The following NEK3 variants were observed in gnomAD, a reference collection of about 807,000 sequenced individuals.
NEK3 encodes NIMA related kinase 3.
NEK3 carries 54 observed loss-of-function variants against 66.0 expected under a neutral mutation model. That is an observed-to-expected ratio of 0.82 (90% CI 0.66 to 1.03). NEK3 has a LOEUF of 1.03. Among genes scored for constraint, NEK3 ranks in the 50% least tolerant of loss-of-function variants. The probability of loss-of-function intolerance (pLI) is 0.00; values close to 1 mark genes in which losing one functional copy is unlikely to be tolerated. For synonymous variants in NEK3, 200 were observed against 206.2 expected, an observed-to-expected ratio of 0.97 and a Z score of 0.26; for missense variants, 593 against 603.0, an observed-to-expected ratio of 0.98 and a Z score of 0.17.
intron 4 of NEK3, among the ~76,000 whole-genome samples, chr13:52,153,300 T>C (rs1956362494): frequency 6.6e-6 from 1 of 152,170 alleles, no homozygotes; most frequent in African/African-American, 2.4e-5. Context: ...TTTAACAATA[T>C]AGTTTCTAAA....
Position 52,133,039 on chromosome 13 carries a change from G to A in NEK3, c.*103C>T. On this transcript the variant is annotated 3_prime_UTR_variant, in exon 16 of 16. Coordinates refer to ENST00000610828, the MANE Select transcript of NEK3 (RefSeq NM_002498.3). ...TTAAGAGTTTCCTCTGCTTCATTCT[G>A]TTTCCAAAGGAAAATATACGTCGCA... 1 of 924,480 alleles carries A rather than the reference G, an allele frequency of 1.1e-6. No individual in the cohort carries two copies. Among genetic ancestry groups the A allele is most frequent in the East Asian group, 2.7e-5 (1 of 37,676 alleles). The allele number at this position is 924,480 out of a possible 1,614,324, so 57.3% of individuals were successfully genotyped here. A position where few individuals can be genotyped will look rare whatever the true frequency, so the allele number is the denominator to read the frequency against.
In NEK3 at chr13:52,154,168, G is replaced by A. The variant is rs1468840391; in HGVS notation, c.123C>T (p.Phe41=). The stretch of plus-strand genomic sequence containing the variant: ...CCTTCCTAGAATTCTGTGTATTAGA[G>A]AAAGACTAGAAAAACATTTTAAATA... ...AMKEIRLPKS[F]SNTQNSRKEA... The change falls in exon 3 of 16, where the codon TTC becomes TTT. Residue 41 remains phenylalanine, a synonymous_variant. Coordinates refer to ENST00000610828, the MANE Select transcript of NEK3 (RefSeq NM_002498.3). 1.3e-5 allele frequency: 21 copies of A among 1,585,546 alleles called. No homozygotes were observed. Among genetic ancestry groups the A allele is most frequent in the Non-Finnish European group, 1.6e-5 (19 of 1,160,702 alleles).
At chr13:52,153,474 C>A (rs1956364207) in intron 4 of NEK3, among the ~76,000 whole-genome samples, 1 of 152,098 alleles carries the variant, frequency 6.6e-6, no homozygotes, top group South Asian at 2.1e-4. Context: ...GGGACCACTT[C>A]AAGCTTTAGG....
intron 9 of NEK3, among the ~76,000 whole-genome samples, 190 bp downstream of exon 9, chr13:52,144,501 T>TG: frequency 6.6e-6 from 1 of 152,296 alleles, no homozygotes. Flanking sequence ...ATACAAACTG[T>TG]GATTATACTT....
chr13:52,154,637 T>C (rs1956376885), intron 2 of NEK3, among the ~76,000 whole-genome samples: 1 of 151,752 alleles, frequency 6.6e-6, no homozygotes, highest in Admixed American at 6.6e-5. Context: ...AAAAAGAGTA[T>C]GCTGGTATAT....
chr13:52,136,035 C>A, intron 13 of NEK3, 81 bp downstream of exon 13: 1 of 1,554,376 alleles, frequency 6.4e-7, no homozygotes. Context: ...CCTTCACAGA[C>A]ATTAAAAGGC....
At position 52,156,202 on chromosome 13, in the gene NEK3, C is replaced by T; in HGVS notation, c.-11G>A. On this transcript the variant is annotated 5_prime_UTR_variant, in exon 2 of 16. Transcript: ENST00000610828. ...CATGTAGTCATCCATGCTGGGGCAT[C>T]CACACAGCTGGGCTCCACTCACGCA... 3 of 1,532,106 alleles carry T rather than the reference C, an allele frequency of 2.0e-6. No individual in the cohort carries two copies. Among genetic ancestry groups the T allele is most frequent in the African/African-American group, 1.4e-5 (1 of 73,420 alleles). 94.9% of individuals were successfully genotyped at this position (1,532,106 alleles called of 1,614,324 possible). A position where few individuals can be genotyped will look rare whatever the true frequency, so the allele number is the denominator to read the frequency against.
chr13:52,151,315 A>T lies in NEK3; in HGVS notation c.461+10T>A. On this transcript the variant is annotated intron_variant, in intron 6 of 15. Coordinates refer to ENST00000610828, the MANE Select transcript of NEK3 (RefSeq NM_002498.3). ...GATTACTGTCACTACCGTAGAACAG[A>T]CATACATACTTGGAGAGAAGACGGG... 8 of 1,598,454 alleles carry T rather than the reference A, an allele frequency of 5.0e-6. No homozygotes were observed. The highest frequency in any genetic ancestry group is 6.8e-6 in the Non-Finnish European group (8 of 1,171,934).
chr13:52,151,404 A>C lies in NEK3; in HGVS notation c.394-12T>G. The C allele has an allele frequency of 6.4e-7, 1 of 1,569,678 alleles. No homozygotes were observed. Among genetic ancestry groups the C allele is most frequent in the Non-Finnish European group, 8.6e-7 (1 of 1,156,448 alleles). The stretch of plus-strand genomic sequence containing the variant: ...GTGAGGAAGATATTCTGCATTTAAA[A>C]AGAAAAGCTCAGATTATGTCTTCTA... On this transcript the variant is annotated splice_polypyrimidine_tract_variant and intron_variant, in intron 5 of 15. Transcript: ENST00000610828.
chr13:52,152,807 G>GT, intron 4 of NEK3, 115 bp from the exon 5 acceptor site: 1 of 605,348 alleles, frequency 1.7e-6, no homozygotes. Flanking sequence ...CGTAATGTGA[G>GT]TACAGAACTC....
intron 13 of NEK3, 30 bp from the exon 14 acceptor site, chr13:52,135,893 G>A (rs1270044984): frequency 2.5e-6 from 4 of 1,596,782 alleles, no homozygotes; most frequent in Non-Finnish European, 3.4e-6. Context: ...AATTAGTGCT[G>A]AATAAAAAAA....
rs768276410 is a variant in NEK3 at position 52,151,243 on chromosome 13, A to G, written c.462-11T>C. The G allele has an allele frequency of 1.9e-6, 3 of 1,604,198 alleles. No homozygotes were observed. The highest frequency in any genetic ancestry group is 1.1e-5 in the South Asian group (1 of 88,886). ...GCAAATGCCATCGGACTAAAACCAT[A>G]AAAAGGCAACGAATGATTACAGAAC... On this transcript the variant is annotated splice_polypyrimidine_tract_variant and intron_variant, in intron 6 of 15. Transcript: ENST00000610828.
At chr13:52,136,386 A>C in intron 12 of NEK3, 127 bp from the exon 13 acceptor site, 1 of 983,662 alleles carries the variant, frequency 1.0e-6, no homozygotes, top group Non-Finnish European at 1.5e-6. Context: ...TATGTTTGAA[A>C]GATCAATGTT....
At chr13:52,141,956 G>A (rs1044535909) in intron 10 of NEK3, among the ~76,000 whole-genome samples, 14 of 151,264 alleles carry the variant, frequency 9.3e-5, no homozygotes, top group South Asian at 6.3e-4. Flanking sequence ...GTATGGTGGC[G>A]CATGCCTGTA....
intron 13 of NEK3, 107 bp downstream of exon 13, chr13:52,136,007 ATG>A (rs755118650): frequency 4.5e-5 from 67 of 1,499,794 alleles, no homozygotes; most frequent in Non-Finnish European, 5.9e-5. Context: ...CAATGCTCTG[ATG>A]TGTGACGCCA....
intron 15 of NEK3, 47 bp from the exon 16 acceptor site, chr13:52,133,273 G>A (rs1403559812): frequency 7.0e-7 from 1 of 1,425,624 alleles, no homozygotes; most frequent in African/African-American, 1.4e-5. Context: ...TAGGGGCACA[G>A]TATCTGTTGA....
At chr13:52,148,766 A>G (rs933674181) in intron 7 of NEK3, among the ~76,000 whole-genome samples, 2 of 152,050 alleles carry the variant, frequency 1.3e-5, no homozygotes, top group African/African-American at 4.8e-5. Context: ...TGGAAGAAGG[A>G]CTCTGGAAGG....
chr13:52,153,485 A>G (rs923759444), intron 4 of NEK3, among the ~76,000 whole-genome samples: 3 of 152,134 alleles, frequency 2.0e-5, no homozygotes, highest in Admixed American at 1.3e-4. Flanking sequence ...AAGCTTTAGG[A>G]GGAAAAAGAT....
chr13:52,148,756 T>C (rs1191151685), intron 7 of NEK3, among the ~76,000 whole-genome samples: 1 of 152,156 alleles, frequency 6.6e-6, no homozygotes, highest in African/African-American at 2.4e-5. Context: ...TGATCACAGC[T>C]GGAAGAAGGA....
Sources: allele counts gnomAD v4.1 joint callset (sites outside exome capture counted in the v4.1 genomes callset), GRCh38; gene constraint gnomAD v4.1.1; transcripts MANE v1.5; gene names NCBI Gene and HGNC (gene_info 2026-07-23, HGNC 2026-07-21).